The following INTS6L variants were observed in gnomAD, a reference collection of about 807,000 sequenced individuals.
INTS6L encodes integrator complex subunit 6 like.
INTS6L carries 18 observed loss-of-function variants against 64.7 expected under a neutral mutation model. That is an observed-to-expected ratio of 0.28 (90% CI 0.19 to 0.41). The LOEUF (loss-of-function observed/expected upper bound fraction) is 0.41. Ranked by LOEUF, INTS6L falls within the 10% of genes least tolerant of loss-of-function variation. INTS6L has a pLI of 1.00. For synonymous variants in INTS6L, 227 were observed against 235.9 expected (o/e 0.96, Z 0.34); for missense variants, 533 against 661.0 (o/e 0.81, Z 2.12).
At chrX:135,570,212 T>C (rs1384079835) in intron 10 of INTS6L, 5 of 280,351 alleles carry the variant, frequency 1.8e-5, no homozygotes, top group Non-Finnish European at 3.1e-5. Flanking sequence ...TTGAATTTGC[T>C]GTTACTTGCT....
intron 7 of INTS6L, among the ~76,000 whole-genome samples, chrX:135,551,543 C>T (rs2086503145): frequency 8.9e-6 from 1 of 111,887 alleles, no homozygotes; most frequent in Non-Finnish European, 1.9e-5. Flanking sequence ...TGGCTTTAGC[C>T]CTCTCATTAC....
At chrX:135,572,559 G>A (rs2087116777) in intron 11 of INTS6L, 4 of 265,978 alleles carry the variant, frequency 1.5e-5, no homozygotes, top group Non-Finnish European at 1.3e-5. Flanking sequence ...CTTATTCATG[G>A]TTTTTATTCT....
intron 2 of INTS6L, among the ~76,000 whole-genome samples, chrX:135,535,485 C>T (rs1244108877): frequency 3.6e-5 from 4 of 111,945 alleles, no homozygotes; most frequent in Non-Finnish European, 7.5e-5. Flanking sequence ...TTTGTCTCCT[C>T]GGGAGACAGA....
chrX:135,527,358 T>A (rs1033364081), intron 2 of INTS6L, among the ~76,000 whole-genome samples: 5 of 112,170 alleles, frequency 4.5e-5, no homozygotes, highest in Non-Finnish European at 9.4e-5. Context: ...GGGCCTAAGG[T>A]GAAACCAGAA....
At chrX:135,565,025 T>C (rs1458273829) in intron 9 of INTS6L, among the ~76,000 whole-genome samples, 2 of 111,538 alleles carry the variant, frequency 1.8e-5, no homozygotes, top group African/African-American at 6.5e-5. Flanking sequence ...GATACCTTCC[T>C]GGCTGGAAGA....
intron 13 of INTS6L, 99 bp from the exon 14 acceptor site, chrX:135,574,985 C>T (rs1556530035): frequency 1.1e-6 from 1 of 884,976 alleles, no homozygotes; most frequent in Non-Finnish European, 1.6e-6. Flanking sequence ...CTATTTGATG[C>T]CAAGACACAC....
intron 2 of INTS6L, among the ~76,000 whole-genome samples, chrX:135,527,663 A>G (rs1342641533): frequency 8.9e-6 from 1 of 112,247 alleles, no homozygotes; most frequent in Non-Finnish European, 1.9e-5. Context: ...CTTAGGTAGA[A>G]TTGAAGAGAA....
In INTS6L at chrX:135,575,128, G is replaced by A; in HGVS notation, c.1786G>A (p.Glu596Lys). The A allele has an allele frequency of 8.3e-7, 1 of 1,211,063 alleles. No individual in the cohort carries two copies. The highest frequency in any genetic ancestry group is 1.1e-6 in the Non-Finnish European group (1 of 895,169). The change falls in exon 14 of 18, where the codon GAA becomes AAA. Residue 596 changes from glutamate to lysine, a missense_variant. Coordinates refer to ENST00000639893, the MANE Select transcript of INTS6L (RefSeq NM_001351601.3). ...AGTTGCACAAATGGGTAACTATCAG[G>A]AATATCTGAAGACATTGGCTTCTCC... ...VPVAQMGNYQ[E>K]YLKTLASPLR...
At chrX:135,551,558 T>C (rs2086503288) in intron 7 of INTS6L, among the ~76,000 whole-genome samples, 3 of 112,116 alleles carry the variant, frequency 2.7e-5, no homozygotes, top group African/African-American at 9.7e-5. Flanking sequence ...CATTACCTTA[T>C]TAGAAAGTTG....
At chrX:135,528,365 T>C (rs2085797600) in intron 2 of INTS6L, among the ~76,000 whole-genome samples, 1 of 111,975 alleles carries the variant, frequency 8.9e-6, no homozygotes. Context: ...TCCAGCTTGA[T>C]TTGTTAAAAA....
chrX:135,569,229 A>G (rs1178372490), intron 9 of INTS6L, 108 bp from the exon 10 acceptor site: 13 of 399,437 alleles, frequency 3.3e-5, no homozygotes, highest in Non-Finnish European at 4.5e-5. Context: ...ATAAACGCCA[A>G]TGAAATTTTC....
Position 135,574,081 on chromosome X carries a change from A to G in INTS6L, c.1741+19A>G. ...GATGAAGGTAAAATAACTGTGAAAT[A>G]CTTTTTTTTTTTTTTTGGAAAATGC... is the stretch of plus-strand genomic sequence containing the variant. On this transcript the variant is annotated intron_variant, in intron 13 of 17. Transcript: ENST00000639893. The G allele has an allele frequency of 8.7e-7, 1 of 1,148,427 alleles. No homozygotes were observed. Among genetic ancestry groups the G allele is most frequent in the Non-Finnish European group, 1.2e-6 (1 of 868,766 alleles). The allele number at this position is 1,148,427 out of a possible 1,213,427, so 94.6% of individuals were successfully genotyped here. A position where few individuals can be genotyped will look rare whatever the true frequency, so the allele number is the denominator to read the frequency against.
intron 12 of INTS6L, among the ~76,000 whole-genome samples, chrX:135,573,692 C>T (rs1556529097): frequency 8.9e-6 from 1 of 112,328 alleles, no homozygotes; most frequent in Non-Finnish European, 1.9e-5. Context: ...CCACAGGTAT[C>T]AATCTCGGGA....
chrX:135,554,629 A>G (rs1468042078), intron 8 of INTS6L, among the ~76,000 whole-genome samples: 2 of 111,017 alleles, frequency 1.8e-5, no homozygotes, highest in Non-Finnish European at 3.8e-5. Flanking sequence ...TTTGTTGTAA[A>G]TGATTCTGCC....
chrX:135,533,593 C>G (rs982716873), intron 2 of INTS6L, among the ~76,000 whole-genome samples: 5 of 109,666 alleles, frequency 4.6e-5, no homozygotes, highest in African/African-American at 1.7e-4. Flanking sequence ...GTGGTTCCCC[C>G]CATGTGCCCA....
chrX:135,525,075 C>T (rs1556500454), intron 2 of INTS6L, among the ~76,000 whole-genome samples: 1 of 112,166 alleles, frequency 8.9e-6, no homozygotes, highest in Non-Finnish European at 1.9e-5. Flanking sequence ...CCTTATAAAA[C>T]TAGTATGTGG....
rs563829992 is a variant in INTS6L at position 135,543,437 on chromosome X, C to T, written c.190-1986C>T. Among the ~76,000 whole-genome samples, 6 of 111,664 alleles carry T rather than the reference C, an allele frequency of 5.4e-5. No individual in the cohort carries two copies. The South Asian group carries it at 2.2e-3, about 42-fold the overall frequency. ...CTCCACCCCTCACATCAGTGAGTCT[C>T]ATGATCTTCACTCCATCCCATCAGT... On this transcript the variant is annotated intron_variant, in intron 2 of 17. Coordinates refer to ENST00000639893, the MANE Select transcript of INTS6L (RefSeq NM_001351601.3).
Position 135,539,878 on chromosome X carries a change from C to G in INTS6L, c.190-5545C>G, listed in dbSNP as rs183954519. Among the ~76,000 whole-genome samples, 97 of 111,346 alleles carry G rather than the reference C, an allele frequency of 8.7e-4. 1 individual carries two copies. Among genetic ancestry groups the G allele is most frequent in the Admixed American group, 4.8e-3 (50 of 10,474 alleles). ...ACATTTATCGATTAAGTTCACTGCC[C>G]TCTTATGTGGGTATGGTTCATGGTG... On this transcript the variant is annotated intron_variant, in intron 2 of 17. Coordinates refer to ENST00000639893, the MANE Select transcript of INTS6L (RefSeq NM_001351601.3).
At chrX:135,546,640 A>G in intron 4 of INTS6L, 62 bp from the exon 5 acceptor site, 1 of 1,125,291 alleles carries the variant, frequency 8.9e-7, no homozygotes, top group Non-Finnish European at 1.2e-6. Context: ...CAACCCTTTA[A>G]TTCTTTCTTC....
Sources: gnomAD v4.1 joint callset for allele counts (sites outside exome capture counted in the v4.1 genomes callset) on GRCh38, gnomAD v4.1.1 for gene constraint, MANE v1.5 for transcripts, NCBI Gene and HGNC (gene_info 2026-07-23, HGNC 2026-07-21) for gene names.